The following STK3 variants were observed in gnomAD, a reference collection of about 807,000 sequenced individuals.
STK3 encodes serine/threonine-protein kinase 3.
Under a neutral mutation model 58.0 loss-of-function variants are expected in STK3, and 41 were observed. The ratio of observed to expected loss-of-function variants is 0.71; its 90% CI spans 0.55 to 0.92. STK3 has a LOEUF of 0.92. Ranked by LOEUF, STK3 falls within the 40% of genes least tolerant of loss-of-function variation. STK3 has a pLI of 0.00. For synonymous variants in STK3, 170 were observed against 191.0 expected (o/e 0.89, Z 0.91); for missense variants, 479 against 602.7 (o/e 0.79, Z 2.15).
chr8:98,822,124 C>A (rs1834950044), intron 1 of STK3, among the ~76,000 whole-genome samples: 1 of 151,952 alleles, frequency 6.6e-6, no homozygotes, highest in African/African-American at 2.4e-5. Context: ...ATGGGAAGGA[C>A]AAATATCCAA....
At chr8:98,932,061 G>T (rs1188038364) in intron 1 of STK3, among the ~76,000 whole-genome samples, 1 of 152,164 alleles carries the variant, frequency 6.6e-6, no homozygotes, top group East Asian at 1.9e-4. Flanking sequence ...ATCTAAACAG[G>T]CCTCCAGGAT....
chr8:98,858,353 GAGAGAGAC>G (rs1418394538), intron 3 of STK3, among the ~76,000 whole-genome samples: 9 of 137,234 alleles, frequency 6.6e-5, no homozygotes, highest in South Asian at 2.5e-4. Context: ...GAGAGAGAGA[GAGAGAGAC>G]AGAGAGAGAG....
chr8:98,589,099 G>A (rs1385734377), intron 7 of STK3, among the ~76,000 whole-genome samples: 25 of 152,204 alleles, frequency 1.6e-4, no homozygotes, highest in African/African-American at 5.1e-4. Context: ...CTCTCAGCTC[G>A]TCAAAGTCAT....
At chr8:98,403,699 G>T (rs1205698400) in intron 3 of STK3, among the ~76,000 whole-genome samples, 2 of 152,228 alleles carry the variant, frequency 1.3e-5, no homozygotes, top group Non-Finnish European at 2.9e-5. Flanking sequence ...AGCCACAAGA[G>T]ATAGCCTAAG....
intron 9 of STK3, among the ~76,000 whole-genome samples, chr8:98,527,495 C>T (rs1420141305): frequency 6.6e-6 from 1 of 152,058 alleles, no homozygotes; most frequent in Non-Finnish European, 1.5e-5. Flanking sequence ...TGGCACCTAT[C>T]TGTAGTCCCA....
intron 3 of STK3, among the ~76,000 whole-genome samples, chr8:98,848,943 G>A (rs1395871032): frequency 6.6e-6 from 1 of 152,138 alleles, no homozygotes. Flanking sequence ...ATTATTAAAA[G>A]CAGCCAGGCA....
intron 3 of STK3, among the ~76,000 whole-genome samples, chr8:98,841,729 A>G (rs2131810652): frequency 6.6e-6 from 1 of 151,532 alleles, no homozygotes; most frequent in South Asian, 2.1e-4. Flanking sequence ...ATAAAAATAA[A>G]AAGTTTGGAC....
chr8:98,358,195 G>C, the STK3 span, among the ~76,000 whole-genome samples: 1 of 152,200 alleles, frequency 6.6e-6, no homozygotes, highest in Non-Finnish European at 1.5e-5. Flanking sequence ...AGCTTAATGT[G>C]CAAATCCCCA....
At chr8:98,598,121 C>T (rs1474806467) in intron 6 of STK3, 1 of 985,204 alleles carries the variant, frequency 1.0e-6, no homozygotes, top group African/African-American at 1.7e-5. Context: ...GTAAATTATA[C>T]TAGATTGTCT....
At chr8:98,456,841 T>G (rs1819527637) in intron 10 of STK3, among the ~76,000 whole-genome samples, 1 of 152,244 alleles carries the variant, frequency 6.6e-6, no homozygotes, top group African/African-American at 2.4e-5. Context: ...TTACTTATAG[T>G]CATCCAAAGT....
At chr8:98,465,439 C>A (rs1432125013) in intron 10 of STK3, among the ~76,000 whole-genome samples, 2 of 152,164 alleles carry the variant, frequency 1.3e-5, no homozygotes, top group Non-Finnish European at 2.9e-5. Flanking sequence ...AAAATCCCAA[C>A]TTTCCTGTCA....
chr8:98,628,029 ATAC>A (rs1426351810), intron 6 of STK3, among the ~76,000 whole-genome samples: 1 of 152,238 alleles, frequency 6.6e-6, no homozygotes. Flanking sequence ...GCTCAGTAGA[ATAC>A]TACAACAAAC....
At chr8:98,430,747 G>C (rs116037356) in intron 3 of STK3, 1 of 167,042 alleles carries the variant, frequency 6.0e-6, no homozygotes, top group Non-Finnish European at 1.5e-5. Context: ...ACTGGGTAGA[G>C]GCCAGGAGAA....
At chr8:98,669,028 G>A (rs1040899027) in intron 6 of STK3, among the ~76,000 whole-genome samples, 4 of 119,876 alleles carry the variant, frequency 3.3e-5, no homozygotes, top group African/African-American at 6.8e-5. Context: ...TCTTGCTCTC[G>A]CTCTGTTGCC....
chr8:98,630,362 C>G (rs1381997495), intron 6 of STK3, among the ~76,000 whole-genome samples: 4 of 152,182 alleles, frequency 2.6e-5, no homozygotes, highest in Non-Finnish European at 5.9e-5. Context: ...AGTATTAAGG[C>G]TGGGCATGGT....
chr8:98,792,341 A>C (rs543862099), intron 1 of STK3, among the ~76,000 whole-genome samples: 1 of 152,356 alleles, frequency 6.6e-6, no homozygotes, highest in Admixed American at 6.5e-5. Flanking sequence ...ACACTTCTGC[A>C]CTGCTAGTGG....
intron 7 of STK3, chr8:98,595,728 A>G (rs1815762284): frequency 4.7e-6 from 1 of 213,870 alleles, no homozygotes. Context: ...TTTATGGTGG[A>G]GCAAAAAGTC....
At chr8:98,361,114 A>G in the STK3 span, among the ~76,000 whole-genome samples, 5 of 152,184 alleles carry the variant, frequency 3.3e-5, no homozygotes, top group African/African-American at 1.2e-4. Flanking sequence ...ATTAGATTAC[A>G]CTGAGTACCC....
At chr8:98,384,634 A>T (rs1015904121) in intron 1 of STK3, among the ~76,000 whole-genome samples, 6 of 152,102 alleles carry the variant, frequency 3.9e-5, no homozygotes, top group African/African-American at 1.4e-4. Context: ...TTCCAGAAAG[A>T]AGGGATCTCA....
Sources: allele counts gnomAD v4.1 joint callset (sites outside exome capture counted in the v4.1 genomes callset), GRCh38; gene constraint gnomAD v4.1.1; transcripts MANE v1.5; gene names NCBI Gene and HGNC (gene_info 2026-07-23, HGNC 2026-07-21).